ZNF804A: variants seen among roughly 807,000 people sequenced by gnomAD.
The protein encoded by ZNF804A is zinc finger protein 804A.
Under a neutral mutation model 16.5 loss-of-function variants are expected in ZNF804A, and 2 were observed. The ratio of observed to expected loss-of-function variants is 0.12; its 90% confidence interval spans 0.05 to 0.38. The LOEUF (loss-of-function observed/expected upper bound fraction) is 0.38. Among genes scored for constraint, ZNF804A ranks in the 10% least tolerant of loss-of-function variants. The probability of loss-of-function intolerance (pLI) is 0.99; values close to 1 mark genes in which losing one functional copy is unlikely to be tolerated. For missense variants in ZNF804A, 1,473 were observed against 1,390.7 expected (o/e 1.06, Z -0.94); for synonymous variants, 534 against 489.6 (o/e 1.09, Z -1.20).
chr2:184,719,777 A>G (rs1693276999), intron 1 of ZNF804A, among the ~76,000 whole-genome samples: 2 of 152,144 alleles, frequency 1.3e-5, no homozygotes, highest in African/African-American at 4.8e-5. Context: ...CACTTTGGTC[A>G]AAGCCATTGA....
chr2:184,730,659 G>T (rs897507447), intron 1 of ZNF804A, among the ~76,000 whole-genome samples: 1 of 151,938 alleles, frequency 6.6e-6, no homozygotes, highest in Non-Finnish European at 1.5e-5. Context: ...CTTTTACTTG[G>T]TGCTATGTAT....
intron 1 of ZNF804A, among the ~76,000 whole-genome samples, chr2:184,828,294 G>A (rs1286037516): frequency 6.6e-6 from 1 of 151,678 alleles, no homozygotes; most frequent in African/African-American, 2.4e-5. Context: ...TCCACAAATA[G>A]TTTTATTTTG....
At chr2:184,624,796 T>C (rs1691471415) in intron 1 of ZNF804A, among the ~76,000 whole-genome samples, 1 of 152,162 alleles carries the variant, frequency 6.6e-6, no homozygotes, top group South Asian at 2.1e-4. Context: ...TTCTGTATAG[T>C]TTTGAATTTA....
intron 1 of ZNF804A, among the ~76,000 whole-genome samples, chr2:184,670,506 T>C (rs1692324752): frequency 1.3e-5 from 2 of 152,106 alleles, no homozygotes; most frequent in Non-Finnish European, 2.9e-5. Context: ...ATATACCATA[T>C]TTTAGTTCTT....
At chr2:184,919,599 G>T (rs1331886625) in intron 2 of ZNF804A, among the ~76,000 whole-genome samples, 1 of 152,184 alleles carries the variant, frequency 6.6e-6, no homozygotes, top group Non-Finnish European at 1.5e-5. Context: ...ATTCACAGAA[G>T]TCTATCCACA....
At chr2:184,906,487 G>C (rs1685276865) in intron 2 of ZNF804A, among the ~76,000 whole-genome samples, 2 of 152,132 alleles carry the variant, frequency 1.3e-5, no homozygotes, top group South Asian at 4.2e-4. Context: ...TTTTTGTAGA[G>C]ATGGGGTTTC....
chr2:184,802,907 A>G (rs1006354150), intron 1 of ZNF804A, among the ~76,000 whole-genome samples: 1 of 152,128 alleles, frequency 6.6e-6, no homozygotes, highest in Non-Finnish European at 1.5e-5. Flanking sequence ...GTAAATCATG[A>G]CTTCTGCATG....
chr2:184,777,180 C>A (rs1027137268), intron 1 of ZNF804A, among the ~76,000 whole-genome samples: 1 of 151,518 alleles, frequency 6.6e-6, no homozygotes, highest in African/African-American at 2.4e-5. Context: ...TTTCAACCCC[C>A]AAACTATTAA....
At chr2:184,632,477 G>A (rs191437704) in intron 1 of ZNF804A, among the ~76,000 whole-genome samples, 1 of 152,126 alleles carries the variant, frequency 6.6e-6, no homozygotes, top group African/African-American at 2.4e-5. Flanking sequence ...CTTACTGCAA[G>A]CTCCGTCTCC....
At chr2:184,656,303 T>C (rs759401456) in intron 1 of ZNF804A, among the ~76,000 whole-genome samples, 1 of 152,158 alleles carries the variant, frequency 6.6e-6, no homozygotes, top group Non-Finnish European at 1.5e-5. Flanking sequence ...ATTTCATTTG[T>C]AAAGTAATAC....
chr2:184,826,426 G>C (rs932253384), intron 1 of ZNF804A, among the ~76,000 whole-genome samples: 7 of 151,980 alleles, frequency 4.6e-5, no homozygotes, highest in Non-Finnish European at 1.0e-4. Flanking sequence ...ATTCTCTTAG[G>C]AGGTGAATTA....
At chr2:184,742,150 T>C (rs1030722051) in intron 1 of ZNF804A, among the ~76,000 whole-genome samples, 4 of 152,066 alleles carry the variant, frequency 2.6e-5, no homozygotes, top group African/African-American at 9.7e-5. Context: ...GTAACCTTTC[T>C]TTTTAATCAT....
chr2:184,883,056 G>A (rs1208476659), intron 2 of ZNF804A, among the ~76,000 whole-genome samples: 2 of 151,994 alleles, frequency 1.3e-5, no homozygotes, highest in African/African-American at 2.4e-5. Flanking sequence ...AAGAAAAACA[G>A]AGAGAAGATC....
At chr2:184,858,220 T>A (rs1481461633) in intron 1 of ZNF804A, among the ~76,000 whole-genome samples, 1 of 152,002 alleles carries the variant, frequency 6.6e-6, no homozygotes, top group Non-Finnish European at 1.5e-5. Context: ...AATAACAACT[T>A]AGGCCAGGTG....
At chr2:184,599,149 G>T in intron 1 of ZNF804A, 79 bp downstream of exon 1, 2 of 1,161,432 alleles carry the variant, frequency 1.7e-6, no homozygotes, top group East Asian at 2.5e-5. Context: ...GAGGTTTTGA[G>T]ATTCAGTTTG....
At chr2:184,801,962 G>A (rs1233631062) in intron 1 of ZNF804A, among the ~76,000 whole-genome samples, 1 of 152,124 alleles carries the variant, frequency 6.6e-6, no homozygotes, top group Non-Finnish European at 1.5e-5. Flanking sequence ...GTTTAACATT[G>A]CTGTAGCTGT....
intron 2 of ZNF804A, among the ~76,000 whole-genome samples, chr2:184,892,607 C>T (rs1296528206): frequency 6.6e-6 from 1 of 151,476 alleles, no homozygotes; most frequent in Non-Finnish European, 1.5e-5. Flanking sequence ...GCCTCATCCC[C>T]CCAGTAGCTG....
chr2:184,676,038 A>C (rs1438790307), intron 1 of ZNF804A, among the ~76,000 whole-genome samples: 1 of 151,764 alleles, frequency 6.6e-6, no homozygotes, highest in African/African-American at 2.4e-5. Context: ...ACTTCTACTC[A>C]CATTACTTAC....
intron 1 of ZNF804A, among the ~76,000 whole-genome samples, chr2:184,661,043 C>T (rs919835990): frequency 4.6e-5 from 7 of 152,022 alleles, no homozygotes; most frequent in African/African-American, 1.2e-4. Flanking sequence ...ACCTGTTGAC[C>T]ATAAAATATT....
Sources: gnomAD v4.1 joint callset for allele counts (sites outside exome capture counted in the v4.1 genomes callset) on GRCh38, gnomAD v4.1.1 for gene constraint, MANE v1.5 for transcripts, NCBI Gene and HGNC (gene_info 2026-07-23, HGNC 2026-07-21) for gene names.